The following GMDS variants were observed in gnomAD, a reference collection of about 807,000 sequenced individuals.
GMDS encodes the protein GDP-mannose 4,6-dehydratase, also known as GDP-mannose 4,6 dehydratase.
GMDS carries 20 observed loss-of-function variants against 49.9 expected under a neutral mutation model. That is an observed-to-expected ratio of 0.40 (90% CI 0.28 to 0.58). The LOEUF is 0.58. Among genes scored for constraint, GMDS ranks in the 20% least tolerant of loss-of-function variants. The pLI is 0.42. For synonymous variants in GMDS, 177 were observed against 178.6 expected (o/e 0.99, Z 0.07); for missense variants, 362 against 481.4 (o/e 0.75, Z 2.32).
intron 1 of GMDS, among the ~76,000 whole-genome samples, chr6:2,209,180 G>C (rs1003548680): frequency 1.3e-5 from 2 of 152,130 alleles, no homozygotes; most frequent in African/African-American, 4.8e-5. Flanking sequence ...AACTATTCTG[G>C]TGTTAAAATA....
At chr6:2,165,229 T>C (rs1179675424) in intron 1 of GMDS, among the ~76,000 whole-genome samples, 3 of 152,140 alleles carry the variant, frequency 2.0e-5, no homozygotes, top group African/African-American at 4.8e-5. Flanking sequence ...ACCAATAAAG[T>C]GTGTGGAGAG....
chr6:1,970,004 A>G lies in GMDS; in HGVS notation c.346-9038T>C, dbSNP rs17134545. 3.7e-4 allele frequency among the ~76,000 whole-genome samples: 57 copies of G among 152,352 alleles called. No homozygotes were observed. The East Asian group carries it at 9.3e-3, about 25-fold the overall frequency. On this transcript the variant is annotated intron_variant, in intron 4 of 10. Coordinates refer to ENST00000380815, the MANE Select transcript of GMDS (RefSeq NM_001500.4). Reference sequence around the variant, plus strand: ...TGAAGTTTAGGCATATAATTCCCCAATGATTTCAGTACACAATTAAGAATG... The same window carrying G: ...TGAAGTTTAGGCATATAATTCCCCAGTGATTTCAGTACACAATTAAGAATG...
At chr6:2,201,084 A>G (rs1283046836) in intron 1 of GMDS, among the ~76,000 whole-genome samples, 2 of 140,374 alleles carry the variant, frequency 1.4e-5, no homozygotes, top group Non-Finnish European at 3.1e-5. Flanking sequence ...CTAGGCAGTG[A>G]GGGCAGCATG....
At chr6:1,832,746 G>A (rs1033221222) in intron 7 of GMDS, among the ~76,000 whole-genome samples, 9 of 152,100 alleles carry the variant, frequency 5.9e-5, no homozygotes, top group Non-Finnish European at 1.2e-4. Context: ...AAGTGAGGCC[G>A]ACACATTTCA....
At chr6:1,914,819 C>T (rs922805351) in intron 7 of GMDS, among the ~76,000 whole-genome samples, 2 of 152,238 alleles carry the variant, frequency 1.3e-5, no homozygotes, top group African/African-American at 4.8e-5. Context: ...AGCCACTGGG[C>T]CTCCCTGAAG....
chr6:2,218,170 T>C (rs574061743), intron 1 of GMDS, among the ~76,000 whole-genome samples: 1 of 152,168 alleles, frequency 6.6e-6, no homozygotes, highest in African/African-American at 2.4e-5. Context: ...CTCCCCTTTT[T>C]GTAACATATG....
At chr6:2,077,085 G>A (rs568999318) in intron 4 of GMDS, among the ~76,000 whole-genome samples, 2 of 151,764 alleles carry the variant, frequency 1.3e-5, no homozygotes, top group East Asian at 3.9e-4. Context: ...GATATCTTTG[G>A]TGGCTATTTC....
At chr6:1,956,491 T>C (rs1395198333) in intron 6 of GMDS, among the ~76,000 whole-genome samples, 1 of 152,144 alleles carries the variant, frequency 6.6e-6, no homozygotes, top group Non-Finnish European at 1.5e-5. Flanking sequence ...CCTTTGACAA[T>C]TACACTTTGT....
intron 4 of GMDS, among the ~76,000 whole-genome samples, chr6:2,089,285 C>T (rs1236696546): frequency 2.0e-5 from 3 of 151,980 alleles, no homozygotes; most frequent in African/African-American, 4.8e-5. Flanking sequence ...TTAGCCTGAA[C>T]CTGATTTACT....
chr6:2,139,615 C>A (rs746352953), intron 1 of GMDS, among the ~76,000 whole-genome samples: 29 of 152,088 alleles, frequency 1.9e-4, no homozygotes, highest in South Asian at 4.1e-4. Context: ...CTAATTATCC[C>A]CACATTACAG....
At chr6:2,223,469 G>GA (rs397732486) in intron 1 of GMDS, among the ~76,000 whole-genome samples, 82,427 of 148,466 alleles carry the variant, frequency 0.56, 25,084 homozygotes, top group East Asian at 0.8. Flanking sequence ...CAAATGAATG[G>GA]AAAAAAAAAA....
intron 1 of GMDS, among the ~76,000 whole-genome samples, chr6:2,190,640 C>G (rs149998133): frequency 1.3e-5 from 2 of 152,222 alleles, no homozygotes; most frequent in African/African-American, 4.8e-5. Flanking sequence ...CTCCCTGACA[C>G]AGCACATGTT....
At chr6:1,964,577 C>A (rs995791142) in intron 4 of GMDS, among the ~76,000 whole-genome samples, 2 of 152,128 alleles carry the variant, frequency 1.3e-5, no homozygotes, top group Non-Finnish European at 1.5e-5. Flanking sequence ...AACCACACAT[C>A]CTTGCATAAG....
intron 4 of GMDS, among the ~76,000 whole-genome samples, chr6:2,107,547 C>G (rs1192122929): frequency 6.6e-6 from 1 of 152,188 alleles, no homozygotes; most frequent in Admixed American, 6.5e-5. Context: ...CAATTTTGCG[C>G]TGTAACAAAT....
intron 4 of GMDS, among the ~76,000 whole-genome samples, chr6:2,103,566 T>G (rs1217239692): frequency 1.3e-5 from 2 of 152,202 alleles, no homozygotes; most frequent in Non-Finnish European, 2.9e-5. Flanking sequence ...TTATTTCGTT[T>G]ATAATTAGTA....
At chr6:2,015,538 T>C (rs927464794) in intron 4 of GMDS, among the ~76,000 whole-genome samples, 2 of 152,154 alleles carry the variant, frequency 1.3e-5, no homozygotes, top group African/African-American at 4.8e-5. Context: ...TAGTATTGAA[T>C]GCAACATTAG....
chr6:2,091,595 A>C (rs1773313541), intron 4 of GMDS, among the ~76,000 whole-genome samples: 1 of 152,200 alleles, frequency 6.6e-6, no homozygotes, highest in African/African-American at 2.4e-5. Context: ...ATACCTTAAG[A>C]AGGATAAAGA....
chr6:2,119,497 T>C (rs1410646111), intron 2 of GMDS, among the ~76,000 whole-genome samples: 2 of 152,222 alleles, frequency 1.3e-5, no homozygotes, highest in African/African-American at 4.8e-5. Flanking sequence ...CAGGTATTAT[T>C]CTAAGAACTA....
chr6:2,136,346 G>A (rs1049287869), intron 1 of GMDS, among the ~76,000 whole-genome samples: 5 of 152,102 alleles, frequency 3.3e-5, no homozygotes, highest in Non-Finnish European at 7.4e-5. Context: ...TTCTCATAAC[G>A]AAATTGAGTA....
Sources: gnomAD v4.1 joint callset for allele counts (sites outside exome capture counted in the v4.1 genomes callset) on GRCh38, gnomAD v4.1.1 for gene constraint, MANE v1.5 for transcripts, NCBI Gene and HGNC (gene_info 2026-07-23, HGNC 2026-07-21) for gene names.